CTNNA2: variants seen among roughly 807,000 people sequenced by gnomAD.
CTNNA2 encodes catenin alpha 2, also known as catenin alpha-2.
In CTNNA2, 42 loss-of-function variants were observed where a neutral mutation model predicts 101.0. The observed-to-expected ratio is 0.42, with a 90% confidence interval of 0.32 to 0.54. The LOEUF (loss-of-function observed/expected upper bound fraction) is 0.54, where lower values mean the gene tolerates loss of function less well. CTNNA2 is among the 20% of genes least tolerant of loss of function. The probability of loss-of-function intolerance (pLI) is 0.14; values close to 1 mark genes in which losing one functional copy is unlikely to be tolerated. For missense variants in CTNNA2, 871 were observed against 1,223.1 expected (o/e 0.71, Z 4.29); for synonymous variants, 450 against 456.4 (o/e 0.99, Z 0.18).
intron 7 of CTNNA2, among the ~76,000 whole-genome samples, chr2:79,989,513 T>G (rs1056979722): frequency 6.6e-6 from 1 of 152,092 alleles, no homozygotes; most frequent in East Asian, 1.9e-4. Context: ...CATGCACCTG[T>G]GTAGTCCCAG....
At chr2:80,252,404 T>A (rs1671835824) in intron 7 of CTNNA2, among the ~76,000 whole-genome samples, 1 of 152,216 alleles carries the variant, frequency 6.6e-6, no homozygotes, top group South Asian at 2.1e-4. Flanking sequence ...TTGTGAGGTG[T>A]TAGCTAGAAT....
At chr2:79,926,522 T>A (rs759066442) in intron 7 of CTNNA2, among the ~76,000 whole-genome samples, 2 of 152,102 alleles carry the variant, frequency 1.3e-5, no homozygotes, top group Admixed American at 1.3e-4. Flanking sequence ...CCATACAGTT[T>A]AGCAGAACGA....
At chr2:79,560,266 T>C (rs1053953906) in intron 1 of CTNNA2, among the ~76,000 whole-genome samples, 3 of 151,534 alleles carry the variant, frequency 2.0e-5, no homozygotes, top group African/African-American at 7.3e-5. Flanking sequence ...TTAAGTGAAA[T>C]GGAGATGGAA....
intron 9 of CTNNA2, among the ~76,000 whole-genome samples, chr2:80,513,478 G>A (rs567966153): frequency 2.2e-4 from 33 of 152,286 alleles, no homozygotes; most frequent in African/African-American, 7.0e-4. Context: ...TTTTAGGTAC[G>A]GTTTTCTTCA....
At chr2:80,613,317 C>A (rs1573456992) in intron 17 of CTNNA2, among the ~76,000 whole-genome samples, 1 of 151,216 alleles carries the variant, frequency 6.6e-6, no homozygotes, top group East Asian at 2.0e-4. Flanking sequence ...AGGGAAATAA[C>A]CTTTCTATGG....
At chr2:80,134,762 C>T (rs1573184802) in intron 7 of CTNNA2, among the ~76,000 whole-genome samples, 1 of 152,262 alleles carries the variant, frequency 6.6e-6, no homozygotes, top group East Asian at 1.9e-4. Flanking sequence ...TGAAATTGTT[C>T]CTTAGATTTC....
At chr2:80,207,317 A>C (rs1158525582) in intron 7 of CTNNA2, among the ~76,000 whole-genome samples, 1 of 152,190 alleles carries the variant, frequency 6.6e-6, no homozygotes, top group Non-Finnish European at 1.5e-5. Flanking sequence ...GATGATAGCT[A>C]TATTGAGCCT....
At chr2:79,711,534 A>G (rs1685738827) in intron 2 of CTNNA2, among the ~76,000 whole-genome samples, 1 of 152,130 alleles carries the variant, frequency 6.6e-6, no homozygotes, top group South Asian at 2.1e-4. Context: ...TTCCCTAATA[A>G]TGGCAATTGT....
At chr2:80,149,774 TCACACACACA>T (rs10595115) in intron 7 of CTNNA2, among the ~76,000 whole-genome samples, 43 of 143,390 alleles carry the variant, frequency 3.0e-4, no homozygotes, top group South Asian at 6.9e-4. Flanking sequence ...TTAGAATGGA[TCACACACACA>T]CACACACACA....
At chr2:79,863,449 C>A (rs1413739474) in intron 4 of CTNNA2, among the ~76,000 whole-genome samples, 4 of 152,074 alleles carry the variant, frequency 2.6e-5, no homozygotes, top group Non-Finnish European at 4.4e-5. Flanking sequence ...GGCCTAGATT[C>A]AATAAGTCGG....
intron 9 of CTNNA2, among the ~76,000 whole-genome samples, chr2:80,431,997 G>A (rs1295415170): frequency 1.3e-5 from 2 of 152,036 alleles, no homozygotes; most frequent in Non-Finnish European, 2.9e-5. Context: ...GGCAGGTGGT[G>A]TGGCATTCTT....
At chr2:80,254,415 GTATT>G (rs1212687452) in intron 7 of CTNNA2, among the ~76,000 whole-genome samples, 1 of 152,156 alleles carries the variant, frequency 6.6e-6, no homozygotes, top group Non-Finnish European at 1.5e-5. Flanking sequence ...TGGAGGAAAA[GTATT>G]TGAAACAGAA....
intron 4 of CTNNA2, among the ~76,000 whole-genome samples, chr2:79,470,417 T>C (rs2104546214): frequency 6.6e-6 from 1 of 152,256 alleles, no homozygotes; most frequent in East Asian, 1.9e-4. Context: ...TGAAACTGAG[T>C]ACCAGAGGAA....
chr2:80,438,193 G>A (rs374231543), intron 9 of CTNNA2, among the ~76,000 whole-genome samples: 19 of 152,144 alleles, frequency 1.2e-4, no homozygotes, highest in African/African-American at 4.1e-4. Flanking sequence ...TTTCCTCTAT[G>A]CTCGCACATC....
At chr2:80,571,838 A>G (rs745552591) in intron 12 of CTNNA2, among the ~76,000 whole-genome samples, 1 of 152,190 alleles carries the variant, frequency 6.6e-6, no homozygotes, top group South Asian at 2.1e-4. Context: ...GCCTGTAGAC[A>G]GAGCTCCCTT....
intron 3 of CTNNA2, among the ~76,000 whole-genome samples, chr2:79,817,439 T>C (rs1239386254): frequency 1.3e-5 from 2 of 148,980 alleles, no homozygotes; most frequent in African/African-American, 4.9e-5. Context: ...TAGCCTGGGA[T>C]CAGGCTCTCG....
chr2:80,561,827 A>ATTTTTTTTTTTTTTT (rs368503035), intron 12 of CTNNA2, among the ~76,000 whole-genome samples: 2 of 123,578 alleles, frequency 1.6e-5, no homozygotes, highest in Non-Finnish European at 1.7e-5. Context: ...CGCCTGGCTA[A>ATTTTTTTTTTTTTTT]TTTTTTTTTT....
Position 79,202,327 on chromosome 2 carries a change from G to GTTTTTTTAT in CTNNA2, c.-406+4276_-406+4284dup, listed in dbSNP as rs1056304180. Reference sequence around the variant, plus strand: ...CAAAAAAGATAATTTCCACACACTTGTTTTTTTATTTTTTTTATTTTTTTT... The same window carrying GTTTTTTTAT: ...CAAAAAAGATAATTTCCACACACTTGTTTTTTTATTTTTTTTATTTTTTTTATTTTTTTT... On this transcript the variant is annotated intron_variant, in intron 2 of 21. Coordinates refer to the CTNNA2 transcript ENST00000466387. 1.7e-3 allele frequency among the ~76,000 whole-genome samples: 224 copies of GTTTTTTTAT among 129,496 alleles called. 1 individual carries two copies. Among genetic ancestry groups the GTTTTTTTAT allele is most frequent in the African/African-American group, 6.4e-3 (217 of 33,858 alleles). 85.0% of individuals were successfully genotyped at this position (129,496 alleles called of 152,430 possible).
chr2:80,472,052 G>T (rs1685349145), intron 9 of CTNNA2, among the ~76,000 whole-genome samples: 1 of 152,070 alleles, frequency 6.6e-6, no homozygotes, highest in Non-Finnish European at 1.5e-5. Context: ...ACTTGAATCT[G>T]GGAGGCAGAG....
Sources: allele counts gnomAD v4.1 joint callset (sites outside exome capture counted in the v4.1 genomes callset), GRCh38; gene constraint gnomAD v4.1.1; transcripts MANE v1.5; gene names NCBI Gene and HGNC (gene_info 2026-07-23, HGNC 2026-07-21).